EPHA7: variants seen among roughly 807,000 people sequenced by gnomAD.
EPHA7 encodes EPH receptor A7, also known as ephrin type-A receptor 7.
A neutral mutation model predicts 112.6 loss-of-function variants in EPHA7; 25 were observed. That is an observed-to-expected ratio of 0.22 (90% CI 0.16 to 0.31). EPHA7 has a LOEUF of 0.31. Among genes scored for constraint, EPHA7 ranks in the 10% least tolerant of loss-of-function variants. The pLI, the probability that EPHA7 is intolerant of heterozygous loss-of-function variation, is 1.00. For missense variants in EPHA7, 962 were observed against 1,212.6 expected (o/e 0.79, Z 3.07); for synonymous variants, 437 against 406.5 (o/e 1.07, Z -0.90).
At chr6:93,305,836 G>T (rs1261535665) in intron 5 of EPHA7, among the ~76,000 whole-genome samples, 1 of 151,618 alleles carries the variant, frequency 6.6e-6, no homozygotes, top group African/African-American at 2.4e-5. Context: ...TTTCTTCTTT[G>T]TTGTCATATA....
At chr6:93,278,934 C>T (rs180961165) in intron 5 of EPHA7, among the ~76,000 whole-genome samples, 1 of 152,058 alleles carries the variant, frequency 6.6e-6, no homozygotes, top group Admixed American at 6.6e-5. Flanking sequence ...TACTGAGAAT[C>T]CATGATGTGC....
chr6:93,299,348 T>C (rs1207457070), intron 5 of EPHA7, among the ~76,000 whole-genome samples: 1 of 129,020 alleles, frequency 7.8e-6, no homozygotes, highest in Admixed American at 7.7e-5. Flanking sequence ...TAAAATAAAA[T>C]AAAATAAAGA....
chr6:93,408,936 A>G (rs959233199), intron 3 of EPHA7, among the ~76,000 whole-genome samples: 1 of 152,074 alleles, frequency 6.6e-6, no homozygotes, highest in Admixed American at 6.6e-5. Context: ...TCCACATGTA[A>G]TCAACATTTA....
intron 5 of EPHA7, among the ~76,000 whole-genome samples, chr6:93,343,018 C>A (rs1492966): frequency 6.6e-6 from 1 of 151,546 alleles, no homozygotes; most frequent in Admixed American, 6.6e-5. Flanking sequence ...ATAATAATAA[C>A]CTAAGCATAA....
intron 3 of EPHA7, among the ~76,000 whole-genome samples, chr6:93,361,808 T>C (rs1424901911): frequency 6.6e-6 from 1 of 152,132 alleles, no homozygotes; most frequent in Admixed American, 6.6e-5. Context: ...CAATAGCACA[T>C]GAATTCAAAG....
At chr6:93,407,306 A>G (rs1270809447) in intron 3 of EPHA7, among the ~76,000 whole-genome samples, 3 of 152,040 alleles carry the variant, frequency 2.0e-5, no homozygotes. Flanking sequence ...TCCCAAACAC[A>G]TTAGTTTTCC....
At chr6:93,287,331 C>G (rs1403068488) in intron 5 of EPHA7, among the ~76,000 whole-genome samples, 1 of 152,048 alleles carries the variant, frequency 6.6e-6, no homozygotes, top group Non-Finnish European at 1.5e-5. Context: ...CATGTTTCAA[C>G]CTTCTTTAGT....
At chr6:93,310,830 G>C (rs926284254) in intron 5 of EPHA7, among the ~76,000 whole-genome samples, 1 of 151,726 alleles carries the variant, frequency 6.6e-6, no homozygotes, top group Non-Finnish European at 1.5e-5. Context: ...GGTTTGCCTT[G>C]ATGTTGATGG....
rs370195460 is a variant in EPHA7, at chr6:93,410,608, G to A, written c.725C>T (p.Ala242Val). The change falls in exon 3 of 17, where the codon GCG (alanine) becomes GTG (valine). Residue 242 changes from alanine to valine, a missense_variant. By Grantham distance (64) the Ala-to-Val change is moderately conservative (BLOSUM62 0). Transcript: ENST00000369303. This position sits in a 1 kb window ranked among gnomAD's most constrained non-coding sequence, Gnocchi z 4.0. ...GTCVSSAEEE[A>V]ENAPRMHCSA... ...GCAGTGCATCCTGGGGGCGTTTTCC[G>A]CTTCTTCCTCTGCACTGCTGACACA... 95 of 1,613,816 alleles carry A rather than the reference G, an allele frequency of 5.9e-5. 1 individual carries two copies. The East Asian group carries it at 1.5e-3, about 25-fold the overall frequency.
At chr6:93,298,249 G>A (rs887695857) in intron 5 of EPHA7, among the ~76,000 whole-genome samples, 4 of 152,020 alleles carry the variant, frequency 2.6e-5, no homozygotes, top group African/African-American at 7.2e-5. Flanking sequence ...AGTGGGAGCC[G>A]ACAGTCAGAA....
At chr6:93,304,535 A>G (rs1773154447) in intron 5 of EPHA7, among the ~76,000 whole-genome samples, 1 of 152,066 alleles carries the variant, frequency 6.6e-6, no homozygotes, top group Admixed American at 6.6e-5. Context: ...ATTATATCTC[A>G]TGTCCTTGAC....
chr6:93,375,252 A>G (rs1275492589), intron 3 of EPHA7, among the ~76,000 whole-genome samples: 1 of 152,108 alleles, frequency 6.6e-6, no homozygotes, highest in Admixed American at 6.6e-5. Context: ...AAGTATGCCA[A>G]ACTCATGTTC....
At chr6:93,280,060 T>C (rs1269033184) in intron 5 of EPHA7, among the ~76,000 whole-genome samples, 1 of 152,192 alleles carries the variant, frequency 6.6e-6, no homozygotes, top group African/African-American at 2.4e-5. Flanking sequence ...AAGAGTTGTA[T>C]GAATTGCAAA....
chr6:93,270,871 ATAT>A (rs1485899166), intron 6 of EPHA7, among the ~76,000 whole-genome samples: 34 of 151,926 alleles, frequency 2.2e-4, no homozygotes, highest in African/African-American at 7.7e-4. Context: ...ATACAATACA[ATAT>A]TATTATTGTC....
chr6:93,312,294 T>G (rs553438031), intron 5 of EPHA7, among the ~76,000 whole-genome samples: 1 of 152,214 alleles, frequency 6.6e-6, no homozygotes, highest in Non-Finnish European at 1.5e-5. Context: ...AAATTTGTTC[T>G]TTAGAGTGGT....
At chr6:93,415,123 T>C (rs564932673) in intron 1 of EPHA7, among the ~76,000 whole-genome samples, 2 of 151,998 alleles carry the variant, frequency 1.3e-5, no homozygotes, top group Non-Finnish European at 2.9e-5. Context: ...TCAAATACAA[T>C]AACATGAACA....
intron 3 of EPHA7, among the ~76,000 whole-genome samples, chr6:93,393,916 T>C (rs1778032778): frequency 1.3e-5 from 2 of 151,864 alleles, no homozygotes; most frequent in South Asian, 2.1e-4. Flanking sequence ...CAGCAAATTG[T>C]ATCTGTACTC....
chr6:93,333,659 C>T (rs1774714700), intron 5 of EPHA7, among the ~76,000 whole-genome samples: 1 of 151,852 alleles, frequency 6.6e-6, no homozygotes, highest in African/African-American at 2.4e-5. Context: ...TATTTGCTGG[C>T]CACCTGTATG....
Position 93,356,764 on chromosome 6 carries a change from C to T in EPHA7, c.1277G>A (p.Arg426Gln), listed in dbSNP as rs542602078. ...GACAGCAGCAAAGAGCCTCTGGGAT[C>T]GGCTTAAGTCAGAAACTCCATTTAC... The part of the protein sequence containing the change: ...EAVNGVSDLS[R>Q]SQRLFAAVSI... The change falls in exon 5 of 17, where the codon CGA (arginine) becomes CAA (glutamine). Residue 426 changes from arginine (R) to glutamine (Q), a missense_variant. Around this residue, in one of 3 missense-constraint regions of EPHA7, gnomAD observed 746 missense variants for 889.2 expected, o/e 0.84. Transcript: ENST00000369303. The T allele has an allele frequency of 1.4e-4, 233 of 1,613,806 alleles. 1 individual carries two copies. In the Middle Eastern group the frequency reaches 1.7e-3, roughly 11 times the overall value.
Sources: gnomAD v4.1 joint callset for allele counts (sites outside exome capture counted in the v4.1 genomes callset) on GRCh38, gnomAD v4.1.1 for gene constraint, gnomAD v4.1.1 regional missense constraint, Gnocchi (gnomAD v3.1) non-coding constraint, MANE v1.5 for transcripts, NCBI Gene and HGNC (gene_info 2026-07-23, HGNC 2026-07-21) for gene names.